DIP2B: variants seen among roughly 807,000 people sequenced by gnomAD.
DIP2B encodes the protein disco-interacting protein 2 homolog B.
DIP2B carries 76 observed loss-of-function variants against 198.0 expected under a neutral mutation model. That is an observed-to-expected ratio of 0.38 (90% CI 0.32 to 0.46). The LOEUF (loss-of-function observed/expected upper bound fraction) is 0.46, where lower values mean the gene tolerates loss of function less well. Ranked by LOEUF, DIP2B falls within the 20% of genes least tolerant of loss-of-function variation. The pLI is 0.99. For missense variants in DIP2B, 1,559 were observed against 1,978.4 expected, an observed-to-expected ratio of 0.79 and a Z score of 4.02; for synonymous variants, 701 against 739.1, an observed-to-expected ratio of 0.95 and a Z score of 0.84.
intron 4 of DIP2B, among the ~76,000 whole-genome samples, chr12:50,665,860 T>A (rs2139517988): frequency 6.6e-6 from 1 of 152,276 alleles, no homozygotes; most frequent in Non-Finnish European, 1.5e-5. Flanking sequence ...ACAACCAAAT[T>A]AAATAACTGT....
intron 1 of DIP2B, among the ~76,000 whole-genome samples, chr12:50,549,446 C>A (rs1046572097): frequency 4.6e-5 from 7 of 152,124 alleles, no homozygotes; most frequent in African/African-American, 1.7e-4. Context: ...AGGAGAATGG[C>A]GTGAACCTGG....
rs761236444 is a variant in DIP2B at position 50,727,742 on chromosome 12, C to T, written c.3440C>T (p.Pro1147Leu). The T allele has an allele frequency of 3.1e-6, 5 of 1,614,036 alleles. No individual in the cohort carries two copies. Among genetic ancestry groups the T allele is most frequent in the African/African-American group, 1.3e-5 (1 of 74,914 alleles). ...AAAAGGTTACCTCAGCTGTATAAACCGCCCACTCCTGAGATGTTGGCATAT... is the reference window on the plus strand; with the variant it reads ...AAAAGGTTACCTCAGCTGTATAAACTGCCCACTCCTGAGATGTTGGCATAT... ...PRKRLPQLYKPPTPEMLAYLD... is the reference protein window; with the variant it reads ...PRKRLPQLYKLPTPEMLAYLD... The change falls in exon 29 of 38, where the codon CCG (proline) becomes CTG (leucine). Residue 1147 changes from proline (P) to leucine (L), a missense_variant. Pro to Leu is a moderately conservative substitution (Grantham distance 98). Coordinates refer to ENST00000301180, the MANE Select transcript of DIP2B (RefSeq NM_173602.3).
chr12:50,674,407 C>A, intron 5 of DIP2B, 67 bp from the exon 6 acceptor site: 1 of 1,571,830 alleles, frequency 6.4e-7, no homozygotes, highest in African/African-American at 1.4e-5. Context: ...AAAAACAAAA[C>A]CCCAAAGATT....
intron 22 of DIP2B, among the ~76,000 whole-genome samples, chr12:50,709,497 G>C (rs566478188): frequency 6.6e-6 from 1 of 152,188 alleles, no homozygotes; most frequent in South Asian, 2.1e-4. Flanking sequence ...AATTAACTGG[G>C]CGTGGTGGCA....
chr12:50,560,165 C>T lies in DIP2B; in HGVS notation c.100+54925C>T, dbSNP rs563644101. ...ATCCTAGCGCTTTGGGAGGCTGAGG[C>T]GGGTGGATCACGAGGTCAGGAGATC... On this transcript the variant is annotated intron_variant, in intron 1 of 37. Coordinates refer to ENST00000301180, the MANE Select transcript of DIP2B (RefSeq NM_173602.3). Among the ~76,000 whole-genome samples, 62 of 152,002 alleles carry T rather than the reference C, an allele frequency of 4.1e-4. 3 individuals carry two copies. The South Asian group carries it at 6.4e-3, about 16-fold the overall frequency.
At chr12:50,684,676 C>T (rs1939103790) in intron 10 of DIP2B, among the ~76,000 whole-genome samples, 1 of 152,050 alleles carries the variant, frequency 6.6e-6, no homozygotes, top group Non-Finnish European at 1.5e-5. Context: ...CCTGTGATCC[C>T]AGCTACTCAG....
intron 4 of DIP2B, among the ~76,000 whole-genome samples, chr12:50,667,838 G>A (rs1938783056): frequency 6.6e-6 from 1 of 152,190 alleles, no homozygotes; most frequent in Non-Finnish European, 1.5e-5. Flanking sequence ...ATTAGAAGAG[G>A]AATTAATGTT....
intron 37 of DIP2B, among the ~76,000 whole-genome samples, chr12:50,741,812 C>T (rs150131479): frequency 1.8e-3 from 275 of 152,226 alleles, no homozygotes; most frequent in Non-Finnish European, 2.7e-3. Flanking sequence ...TAGTGATAGA[C>T]TCTCATAATG....
At chr12:50,713,689 T>G (rs1321984968) in intron 22 of DIP2B, among the ~76,000 whole-genome samples, 1 of 152,206 alleles carries the variant, frequency 6.6e-6, no homozygotes, top group African/African-American at 2.4e-5. Context: ...TAAAAATACC[T>G]TACTTCTGTT....
At chr12:50,555,097 GAATAT>G (rs963797342) in intron 1 of DIP2B, among the ~76,000 whole-genome samples, 2 of 151,928 alleles carry the variant, frequency 1.3e-5, no homozygotes, top group African/African-American at 4.8e-5. Context: ...CTCTTTTTTG[GAATAT>G]AATATTCTTG....
At chr12:50,734,599 G>A (rs1940104027) in intron 33 of DIP2B, among the ~76,000 whole-genome samples, 1 of 152,168 alleles carries the variant, frequency 6.6e-6, no homozygotes, top group South Asian at 2.1e-4. Flanking sequence ...CCTTAGCCCA[G>A]AAGGGAATTT....
intron 1 of DIP2B, among the ~76,000 whole-genome samples, chr12:50,558,423 A>G (rs1462051684): frequency 1.3e-5 from 2 of 152,220 alleles, no homozygotes; most frequent in African/African-American, 4.8e-5. Flanking sequence ...ATCATATATA[A>G]GGGAACCTTA....
intron 1 of DIP2B, among the ~76,000 whole-genome samples, chr12:50,596,460 C>T (rs1958879566): frequency 1.3e-5 from 2 of 152,198 alleles, no homozygotes; most frequent in African/African-American, 4.8e-5. Flanking sequence ...GTATAAGTGC[C>T]AGACCAGTCT....
intron 1 of DIP2B, among the ~76,000 whole-genome samples, chr12:50,575,371 G>GT (rs1308915360): frequency 1.3e-4 from 19 of 144,988 alleles, no homozygotes; most frequent in South Asian, 1.2e-3. Flanking sequence ...CCACAGGCTT[G>GT]TTTTTTTTTG....
At chr12:50,520,646 A>T (rs1374769545) in intron 1 of DIP2B, among the ~76,000 whole-genome samples, 3 of 152,210 alleles carry the variant, frequency 2.0e-5, no homozygotes, top group Non-Finnish European at 4.4e-5. Context: ...CGGTTCTCTG[A>T]GCTCTGATTT....
At chr12:50,543,111 C>T (rs1958341073) in intron 1 of DIP2B, among the ~76,000 whole-genome samples, 3 of 152,034 alleles carry the variant, frequency 2.0e-5, no homozygotes, top group South Asian at 2.1e-4. Context: ...TGGGCTCAAG[C>T]GATTCACTCA....
intron 37 of DIP2B, 23 bp from the exon 38 acceptor site, chr12:50,744,564 A>T: frequency 3.7e-6 from 6 of 1,609,890 alleles, no homozygotes; most frequent in Non-Finnish European, 5.1e-6. Context: ...TGACAAGTTA[A>T]TGAATTGTCA....
intron 1 of DIP2B, among the ~76,000 whole-genome samples, chr12:50,570,732 CAATAA>C (rs1361912625): frequency 6.6e-6 from 1 of 152,146 alleles, no homozygotes; most frequent in African/African-American, 2.4e-5. Context: ...CAACAACAAA[CAATAA>C]AATAAAGATA....
At chr12:50,717,571 G>C (rs547985896) in intron 23 of DIP2B, among the ~76,000 whole-genome samples, 1 of 151,486 alleles carries the variant, frequency 6.6e-6, no homozygotes, top group African/African-American at 2.4e-5. Context: ...GTTTCACCGC[G>C]TTAGCCGGGA....
Sources: allele counts gnomAD v4.1 joint callset (sites outside exome capture counted in the v4.1 genomes callset), GRCh38; gene constraint gnomAD v4.1.1; transcripts MANE v1.5; gene names NCBI Gene and HGNC (gene_info 2026-07-23, HGNC 2026-07-21).